Variants in IDE observed in about 807,000 individuals in gnomAD.
IDE encodes insulin-degrading enzyme.
In IDE, 58 loss-of-function variants were observed where a neutral mutation model predicts 133.2. That is an observed-to-expected ratio of 0.44 (90% CI 0.35 to 0.54). The LOEUF (loss-of-function observed/expected upper bound fraction) is 0.54. Among genes scored for constraint, IDE ranks in the 20% least tolerant of loss-of-function variants. The pLI is 0.00. For synonymous variants in IDE, 396 were observed against 421.3 expected (o/e 0.94, Z 0.73); for missense variants, 981 against 1,234.0 (o/e 0.79, Z 3.07).
intron 13 of IDE, among the ~76,000 whole-genome samples, chr10:92,484,219 T>G (rs1846814532): frequency 6.6e-6 from 1 of 151,956 alleles, no homozygotes; most frequent in African/African-American, 2.4e-5. Context: ...GAGACCATCC[T>G]GGCCAACATG....
Position 92,515,023 on chromosome 10 carries a change from C to G in IDE, c.681G>C (p.Glu227Asp). 6.2e-7 allele frequency: 1 copy of G among 1,608,078 alleles called. No homozygotes were observed. Among genetic ancestry groups the G allele is most frequent in the Non-Finnish European group, 8.5e-7 (1 of 1,177,148 alleles). ...KFGTGNKYTL[E>D]TRPNQEGIDV... ...CAATGCCTTCTTGGTTTGGTCTAGTCTCCAGAGTATATTTGTTACCTGGAA... is the reference window on the plus strand; with the variant it reads ...CAATGCCTTCTTGGTTTGGTCTAGTGTCCAGAGTATATTTGTTACCTGGAA... The change falls in exon 5 of 25, where the codon GAG (glutamate) becomes GAC (aspartate). Residue 227 changes from glutamate to aspartate, a missense_variant. Coordinates refer to ENST00000265986, the MANE Select transcript of IDE (RefSeq NM_004969.4).
chr10:92,550,650 C>CAA lies in IDE; in HGVS notation c.99-13102_99-13101dup, dbSNP rs71028826. ...TGGGCAACAGAGCTAGACTCCGTCT[C>CAA]AAAAAAAAAAAAAAAAAAAAAAAAT... On this transcript the variant is annotated intron_variant, in intron 1 of 24. Coordinates refer to ENST00000265986, the MANE Select transcript of IDE (RefSeq NM_004969.4). Among the ~76,000 whole-genome samples the CAA allele has an allele frequency of 4.5e-3, 257 of 56,954 alleles. 2 individuals carry two copies. Among genetic ancestry groups the CAA allele is most frequent in the Middle Eastern group, 0.011 (1 of 90 alleles). The allele number at this position is 56,954 out of a possible 152,430, so 37.4% of individuals were successfully genotyped here.
chr10:92,569,925 C>A (rs1843711639), intron 1 of IDE, among the ~76,000 whole-genome samples: 1 of 152,086 alleles, frequency 6.6e-6, no homozygotes, highest in Admixed American at 6.6e-5. Flanking sequence ...GCCTGGCCAT[C>A]ATGGTGAAAT....
At chr10:92,500,708 A>C (rs1158080139) in intron 11 of IDE, among the ~76,000 whole-genome samples, 1 of 151,094 alleles carries the variant, frequency 6.6e-6, no homozygotes, top group East Asian at 1.9e-4. Context: ...GAAGCTTTAT[A>C]CTAATGTCCT....
At chr10:92,567,875 G>T (rs1843626344) in intron 1 of IDE, among the ~76,000 whole-genome samples, 1 of 152,198 alleles carries the variant, frequency 6.6e-6, no homozygotes, top group African/African-American at 2.4e-5. Flanking sequence ...GGAGGCTGAG[G>T]TGAGAGGATC....
At chr10:92,517,105 A>AT (rs200584912) in intron 4 of IDE, among the ~76,000 whole-genome samples, 131 of 151,638 alleles carry the variant, frequency 8.6e-4, no homozygotes, top group Non-Finnish European at 1.4e-3. Context: ...AAGTGGTTTA[A>AT]TTTTTTTTTC....
intron 4 of IDE, among the ~76,000 whole-genome samples, chr10:92,520,728 C>T (rs1486390323): frequency 6.6e-6 from 1 of 152,096 alleles, no homozygotes; most frequent in Non-Finnish European, 1.5e-5. Context: ...TAAGTATATG[C>T]AAGTACAAGA....
rs529863476 is a variant in IDE, at chr10:92,568,842, T to C, written c.98+5080A>G. ...AAAAAAAAAATAATAATAATAATAATAACAATACCTTTACAGGGGAGGAGC... is the reference window on the plus strand; with the variant it reads ...AAAAAAAAAATAATAATAATAATAACAACAATACCTTTACAGGGGAGGAGC... On this transcript the variant is annotated intron_variant, in intron 1 of 24. Coordinates refer to ENST00000265986, the MANE Select transcript of IDE (RefSeq NM_004969.4). Among the ~76,000 whole-genome samples, 198 of 151,596 alleles carry C rather than the reference T, an allele frequency of 1.3e-3. 2 individuals carry two copies. Among genetic ancestry groups the C allele is most frequent in the African/African-American group, 4.5e-3 (187 of 41,306 alleles).
chr10:92,535,258 C>T (rs557052348), intron 2 of IDE, among the ~76,000 whole-genome samples: 108 of 152,264 alleles, frequency 7.1e-4, no homozygotes, highest in African/African-American at 2.4e-3. Context: ...CGCCCACCAC[C>T]GCGCCCAGCT....
At chr10:92,504,242 A>C (rs1848177734) in intron 11 of IDE, among the ~76,000 whole-genome samples, 1 of 152,114 alleles carries the variant, frequency 6.6e-6, no homozygotes, top group Non-Finnish European at 1.5e-5. Flanking sequence ...TTATGGGAGG[A>C]ATATCATGTG....
At chr10:92,566,102 T>C (rs1195868566) in intron 1 of IDE, among the ~76,000 whole-genome samples, 1 of 150,068 alleles carries the variant, frequency 6.7e-6, no homozygotes. Context: ...ACGCCTATAA[T>C]CCCAGTACTT....
intron 22 of IDE, among the ~76,000 whole-genome samples, chr10:92,458,356 T>C (rs1251935233): frequency 2.0e-5 from 3 of 152,202 alleles, no homozygotes; most frequent in Non-Finnish European, 4.4e-5. Context: ...AGAATGCGAA[T>C]AGTCTTTCCC....
At chr10:92,468,845 A>G in intron 19 of IDE, 34 bp downstream of exon 19, 1 of 1,108,862 alleles carries the variant, frequency 9.0e-7, no homozygotes, top group South Asian at 1.2e-5. Context: ...ATGTCAAAAT[A>G]GTCCATTCCC....
rs17445419 is a variant in IDE, at chr10:92,546,888, A to C, written c.99-9338T>G. ...ATAAATTCTCCCCTCAACAATTTTC[A>C]ATATTTATACCAAACAACTTCTAAT... On this transcript the variant is annotated intron_variant, in intron 1 of 24. Coordinates refer to ENST00000265986, the MANE Select transcript of IDE (RefSeq NM_004969.4). Among the ~76,000 whole-genome samples, 1,139 of 152,370 alleles carry C rather than the reference A, an allele frequency of 7.5e-3. 12 individuals carry two copies. Among genetic ancestry groups the C allele is most frequent in the Non-Finnish European group, 0.01 (697 of 68,036 alleles).
chr10:92,553,165 T>C lies in IDE; in HGVS notation c.99-15615A>G, dbSNP rs577322057. Among the ~76,000 whole-genome samples, 56 of 152,240 alleles carry C rather than the reference T, an allele frequency of 3.7e-4. No homozygotes were observed. In the South Asian group the frequency reaches 7.3e-3, roughly 20 times the overall value. On this transcript the variant is annotated intron_variant, in intron 1 of 24. Transcript: ENST00000265986. ...CAGGCTGGGCATGGTGGCTCACACC[T>C]GTAATCCCAGCACTTTGGGAGGCTG...
intron 14 of IDE, among the ~76,000 whole-genome samples, chr10:92,481,682 A>G (rs886474985): frequency 1.2e-4 from 19 of 152,242 alleles, no homozygotes; most frequent in Non-Finnish European, 2.2e-4. Context: ...AAGGATATAG[A>G]CACACACATG....
At chr10:92,492,040 C>A (rs1847382895) in intron 11 of IDE, among the ~76,000 whole-genome samples, 1 of 152,008 alleles carries the variant, frequency 6.6e-6, no homozygotes, top group Admixed American at 6.5e-5. Flanking sequence ...GCGGGAAGAT[C>A]ACGAGGTCAA....
At chr10:92,496,750 C>G (rs1847725870) in intron 11 of IDE, among the ~76,000 whole-genome samples, 1 of 152,200 alleles carries the variant, frequency 6.6e-6, no homozygotes, top group African/African-American at 2.4e-5. Context: ...TGTGCCATTG[C>G]ACTCCAGCCT....
In IDE at chr10:92,465,665, T is replaced by C. The variant is rs751635118; in HGVS notation, c.2488+11A>G. On this transcript the variant is annotated intron_variant, in intron 20 of 24. Transcript: ENST00000265986. ...CTACAGTACCCTGCTATTTCCCCACTTTCCTCTCACCCAACTGCTCCTTGG... is the reference window on the plus strand; with the variant it reads ...CTACAGTACCCTGCTATTTCCCCACCTTCCTCTCACCCAACTGCTCCTTGG... The C allele has an allele frequency of 2.5e-6, 4 of 1,606,538 alleles. No homozygotes were observed. The highest frequency in any genetic ancestry group is 3.4e-5 in the Admixed American group (2 of 59,548).
Sources: gnomAD v4.1 joint callset for allele counts (sites outside exome capture counted in the v4.1 genomes callset) on GRCh38, gnomAD v4.1.1 for gene constraint, MANE v1.5 for transcripts, NCBI Gene and HGNC (gene_info 2026-07-23, HGNC 2026-07-21) for gene names.